Variants in GPBP1L1 observed in about 807,000 individuals in gnomAD.
The protein encoded by GPBP1L1 is GC-rich promoter binding protein 1 like 1.
GPBP1L1 carries 23 observed loss-of-function variants against 52.5 expected under a neutral mutation model. The ratio of observed to expected loss-of-function variants is 0.44; its 90% confidence interval spans 0.32 to 0.62. The LOEUF is 0.62. GPBP1L1 is among the 20% of genes least tolerant of loss of function. The probability of loss-of-function intolerance (pLI) is 0.06; values close to 1 mark genes in which losing one functional copy is unlikely to be tolerated. For synonymous variants in GPBP1L1, 243 were observed against 203.1 expected (o/e 1.20, Z -1.67); for missense variants, 596 against 579.3 (o/e 1.03, Z -0.30).
chr1:45,645,810 G>A, intron 6 of GPBP1L1: 1 of 374,244 alleles, frequency 2.7e-6, no homozygotes, highest in Non-Finnish European at 5.0e-6. Context: ...AATATGTATT[G>A]CATCCCTAGA....
chr1:45,656,992 G>A (rs970871920), intron 4 of GPBP1L1, among the ~76,000 whole-genome samples: 2 of 152,026 alleles, frequency 1.3e-5, no homozygotes, highest in South Asian at 2.1e-4. Flanking sequence ...AGCCTCTACA[G>A]GCCTATTTTT....
At chr1:45,681,999 T>A (rs962695277) in intron 2 of GPBP1L1, among the ~76,000 whole-genome samples, 32 of 152,226 alleles carry the variant, frequency 2.1e-4, no homozygotes, top group African/African-American at 7.7e-4. Context: ...AGGGTTAATA[T>A]CTACTTCTTT....
chr1:45,666,702 G>C (rs1402633103), intron 2 of GPBP1L1, among the ~76,000 whole-genome samples: 1 of 152,068 alleles, frequency 6.6e-6, no homozygotes, highest in Non-Finnish European at 1.5e-5. Flanking sequence ...CTACTTCTAG[G>C]TATATATCCA....
At chr1:45,679,961 TGGGGGCCCAGGA>T (rs1557724387) in intron 2 of GPBP1L1, among the ~76,000 whole-genome samples, 1 of 48,450 alleles carries the variant, frequency 2.1e-5, no homozygotes, top group Non-Finnish European at 4.0e-5. Context: ...GGGCGGGGGG[TGGGGGCCCAGGA>T]TGAAGCTGAG....
rs145201929 is a variant in GPBP1L1, at chr1:45,644,819, A to G, written c.478-2320T>C. ...TAGCCTAAAACTGTCAGCTCAATAC[A>G]AGATGCAAAAACAATGATCTAATTT... On this transcript the variant is annotated intron_variant, in intron 6 of 12. Transcript: ENST00000355105. Among the ~76,000 whole-genome samples, 18 of 152,336 alleles carry G rather than the reference A, an allele frequency of 1.2e-4. No individual in the cohort carries two copies. In the East Asian group the frequency reaches 2.7e-3, roughly 23 times the overall value.
chr1:45,639,574 T>TTA lies in GPBP1L1; in HGVS notation c.744+635_744+636insTA, dbSNP rs1378940350. On this transcript the variant is annotated intron_variant, in intron 8 of 12. Coordinates refer to ENST00000355105, the MANE Select transcript of GPBP1L1 (RefSeq NM_021639.5). ...AGATTCTGTCTCTACAAAAAATAAT[T>TTA]AAAAAAAAAAAAAAAAAAATGGCTG... 1.5e-4 allele frequency among the ~76,000 whole-genome samples: 19 copies of TTA among 130,116 alleles called. No homozygotes were observed. In the South Asian group the frequency reaches 1.5e-3, roughly 10 times the overall value. The allele number at this position is 130,116 out of a possible 152,430, so 85.4% of individuals were successfully genotyped here. A position where few individuals can be genotyped will look rare whatever the true frequency, so the allele number is the denominator to read the frequency against.
chr1:45,661,949 AT>A (rs1184929924), intron 2 of GPBP1L1, among the ~76,000 whole-genome samples: 5 of 152,120 alleles, frequency 3.3e-5, no homozygotes, highest in African/African-American at 1.2e-4. Context: ...CCAACTACCT[AT>A]TTGTTTAGTA....
chr1:45,685,086 AAGAC>A (rs1428481732), intron 2 of GPBP1L1, among the ~76,000 whole-genome samples: 1 of 152,040 alleles, frequency 6.6e-6, no homozygotes, highest in Non-Finnish European at 1.5e-5. Flanking sequence ...AAGCAAACAA[AAGAC>A]AGTCTCTTGT....
intron 2 of GPBP1L1, among the ~76,000 whole-genome samples, chr1:45,671,861 A>T (rs992815219): frequency 2.6e-4 from 39 of 151,848 alleles, no homozygotes; most frequent in African/African-American, 6.8e-4. Flanking sequence ...AAATAATTTT[A>T]AAAACAACTG....
At chr1:45,675,246 G>A (rs990906043) in intron 2 of GPBP1L1, among the ~76,000 whole-genome samples, 48 of 151,984 alleles carry the variant, frequency 3.2e-4, no homozygotes, top group Non-Finnish European at 4.9e-4. Flanking sequence ...GCAGTGAGCC[G>A]AGATCGAGCC....
chr1:45,629,334 G>C (rs1321028993), intron 12 of GPBP1L1, among the ~76,000 whole-genome samples: 4 of 152,096 alleles, frequency 2.6e-5, no homozygotes, highest in African/African-American at 4.8e-5. Flanking sequence ...CTGTTAGGAT[G>C]AAAGAGCATA....
intron 2 of GPBP1L1, among the ~76,000 whole-genome samples, chr1:45,682,347 G>A (rs1250459032): frequency 1.3e-5 from 2 of 152,220 alleles, no homozygotes; most frequent in East Asian, 3.9e-4. Flanking sequence ...AGATTTTTCT[G>A]GGGGAAAAAA....
rs1397489832 is a variant in GPBP1L1, at chr1:45,628,353, A to G, written c.1328T>C (p.Leu443Pro). ...NGFLQSRSSS[L>P]FSPWRSTCKA... ...GCAAGTGCTTCTCCAAGGGGAGAAC[A>G]GACTGGAACTGCGGCTCTGCAAGAA... The change falls in exon 13 of 13, where the codon CTG (leucine) becomes CCG (proline). Residue 443 changes from leucine (L) to proline (P), a missense_variant. Physicochemically the swap from Leu to Pro is moderately conservative, Grantham distance 98. Coordinates refer to ENST00000355105, the MANE Select transcript of GPBP1L1 (RefSeq NM_021639.5). The G allele has an allele frequency of 1.9e-6, 3 of 1,614,022 alleles. No individual in the cohort carries two copies. In the African/African-American group the frequency reaches 4.0e-5, roughly 22 times the overall value.
At position 45,664,666 on chromosome 1, in the gene GPBP1L1, T is replaced by C. The variant is rs200699727; in HGVS notation, c.-1097-3441A>G. 3.3e-3 allele frequency among the ~76,000 whole-genome samples: 459 copies of C among 138,184 alleles called. 3 individuals are homozygous for C. Among genetic ancestry groups the C allele is most frequent in the East Asian group, 0.026 (114 of 4,446 alleles). 90.7% of individuals were successfully genotyped at this position (138,184 alleles called of 152,430 possible). On this transcript the variant is annotated intron_variant, in intron 2 of 12. Transcript: ENST00000355105. ...ATGCCTGAGCTCAAGCATCTCACAG[T>C]TTTTTTGTTTTGTTTTGTTTTGTTT...
rs116496794 is a variant in GPBP1L1 at position 45,646,087 on chromosome 1, G to C, written c.478-3588C>G. ...TAACGATGCTTCATCATCACAGCTA[G>C]AAGTTGGACAATGACTTTGGAGCAT... is the stretch of plus-strand genomic sequence containing the variant. On this transcript the variant is annotated intron_variant, in intron 6 of 12. Transcript: ENST00000355105. 1,990 of 459,508 alleles carry C rather than the reference G, an allele frequency of 4.3e-3. 42 individuals carry two copies. Among genetic ancestry groups the C allele is most frequent in the African/African-American group, 0.038 (1,874 of 49,632 alleles). 28.5% of individuals were successfully genotyped at this position (459,508 alleles called of 1,614,324 possible).
chr1:45,665,851 T>C (rs1036930874), intron 2 of GPBP1L1, among the ~76,000 whole-genome samples: 2 of 151,958 alleles, frequency 1.3e-5, no homozygotes, highest in Non-Finnish European at 1.5e-5. Context: ...ACTCTCTAAC[T>C]TAAAAAACTA....
intron 8 of GPBP1L1, among the ~76,000 whole-genome samples, chr1:45,638,029 C>G (rs1011504671): frequency 6.6e-6 from 1 of 152,212 alleles, no homozygotes; most frequent in African/African-American, 2.4e-5. Context: ...CCATGCTCAG[C>G]TGTTTCTTTG....
At chr1:45,683,369 C>A (rs1018398716) in intron 2 of GPBP1L1, among the ~76,000 whole-genome samples, 2 of 151,284 alleles carry the variant, frequency 1.3e-5, no homozygotes, top group Non-Finnish European at 2.9e-5. Flanking sequence ...CCACGCCCAG[C>A]TAATTTTTTG....
intron 2 of GPBP1L1, among the ~76,000 whole-genome samples, chr1:45,681,378 G>T (rs530290978): frequency 6.6e-6 from 1 of 152,250 alleles, no homozygotes; most frequent in African/African-American, 2.4e-5. Flanking sequence ...GTGGGAAACT[G>T]CAGGACAAAT....
Sources: gnomAD v4.1 joint callset for allele counts (sites outside exome capture counted in the v4.1 genomes callset) on GRCh38, gnomAD v4.1.1 for gene constraint, MANE v1.5 for transcripts, NCBI Gene and HGNC (gene_info 2026-07-23, HGNC 2026-07-21) for gene names.